The following SLC12A6 variants were observed in gnomAD, a reference collection of about 807,000 sequenced individuals.
SLC12A6 encodes the protein solute carrier family 12 member 6.
Under a neutral mutation model 135.3 loss-of-function variants are expected in SLC12A6, and 66 were observed. That is an observed-to-expected ratio of 0.49 (90% CI 0.40 to 0.60). The LOEUF (loss-of-function observed/expected upper bound fraction) is 0.60. Among genes scored for constraint, SLC12A6 ranks in the 20% least tolerant of loss-of-function variants. SLC12A6 has a pLI of 0.00. For synonymous variants in SLC12A6, 513 were observed against 508.8 expected (o/e 1.01, Z -0.11); for missense variants, 1,058 against 1,452.3 (o/e 0.73, Z 4.41).
rs548419510 is a variant in SLC12A6 at position 34,303,398 on chromosome 15, T to A, written c.272-28009A>T. 1.1e-4 allele frequency among the ~76,000 whole-genome samples: 17 copies of A among 152,340 alleles called. No individual in the cohort carries two copies. The South Asian group carries it at 3.5e-3, about 32-fold the overall frequency. On this transcript the variant is annotated intron_variant, in intron 2 of 25. Transcript: ENST00000354181. ...ACTTTGAATAGTAAATGTGTCATGATCTTCAATAATTTAGAAAATATAAAT... is the reference window on the plus strand; with the variant it reads ...ACTTTGAATAGTAAATGTGTCATGAACTTCAATAATTTAGAAAATATAAAT...
intron 2 of SLC12A6, among the ~76,000 whole-genome samples, chr15:34,315,595 T>C (rs1398683979): frequency 1.3e-5 from 2 of 152,160 alleles, no homozygotes; most frequent in Non-Finnish European, 2.9e-5. Flanking sequence ...AATTAAGGTA[T>C]GTACACTGTT....
intron 3 of SLC12A6, among the ~76,000 whole-genome samples, chr15:34,265,175 C>A (rs559769416): frequency 6.6e-6 from 1 of 152,038 alleles, no homozygotes; most frequent in African/African-American, 2.4e-5. Context: ...CCAGCCTGGG[C>A]GACAGAGCGA....
At chr15:34,296,070 T>G (rs1035334146) in intron 2 of SLC12A6, among the ~76,000 whole-genome samples, 4 of 152,240 alleles carry the variant, frequency 2.6e-5, no homozygotes, top group Non-Finnish European at 5.9e-5. Context: ...TTAAGGACTG[T>G]CTGTACTACA....
rs770419375 is a variant in SLC12A6, at chr15:34,336,690, T to C, written c.-10A>G. On this transcript the variant is annotated 5_prime_UTR_variant, in exon 2 of 26. Coordinates refer to ENST00000354181, the MANE Select transcript of SLC12A6 (RefSeq NM_001365088.1). ...TTTCTGGAGGATGCATTTTGTTCTT[T>C]TTAAGAACAAAAAAAGTGGGGGGAA... 11 of 1,613,078 alleles carry C rather than the reference T, an allele frequency of 6.8e-6. No individual in the cohort carries two copies. Among genetic ancestry groups the C allele is most frequent in the Non-Finnish European group, 8.5e-6 (10 of 1,179,350 alleles).
At chr15:34,246,091 C>A (rs186681489) in intron 13 of SLC12A6, among the ~76,000 whole-genome samples, 82 of 152,212 alleles carry the variant, frequency 5.4e-4, no homozygotes, top group Non-Finnish European at 8.8e-4. Flanking sequence ...CACCAACACA[C>A]CTGGCTAATT....
intron 2 of SLC12A6, among the ~76,000 whole-genome samples, chr15:34,311,051 ATTTGTATTAC>A (rs757830127): frequency 1.3e-5 from 2 of 152,142 alleles, no homozygotes; most frequent in African/African-American, 2.4e-5. Flanking sequence ...CTCTCCTACC[ATTTGTATTAC>A]TTGTGAGTTA....
intron 2 of SLC12A6, among the ~76,000 whole-genome samples, chr15:34,307,119 A>G (rs1896653078): frequency 6.6e-6 from 1 of 152,222 alleles, no homozygotes; most frequent in South Asian, 2.1e-4. Context: ...GTCAAAATTC[A>G]TCAACAAAAT....
At chr15:34,269,029 TG>T in intron 3 of SLC12A6, among the ~76,000 whole-genome samples, 1 of 152,072 alleles carries the variant, frequency 6.6e-6, no homozygotes, top group East Asian at 1.9e-4. Context: ...GCTAATTTTT[TG>T]TATTTTTAGT....
Position 34,237,479 on chromosome 15 carries a change from C to T in SLC12A6, c.2874G>A (p.Lys958=). 1 of 1,612,954 alleles carries T rather than the reference C, an allele frequency of 6.2e-7. No individual in the cohort carries two copies. The highest frequency in any genetic ancestry group is 1.7e-5 in the Admixed American group (1 of 59,990). The change falls in exon 22 of 26, where the codon AAG becomes AAA. Residue 958 remains lysine, a synonymous_variant. Coordinates refer to ENST00000354181, the MANE Select transcript of SLC12A6 (RefSeq NM_001365088.1). ...QLEDNSIQMK[K]DLATFLYHLR... ...AGTGATATAGGAAGGTGGCTAGGTC[C>T]TTCTTCATTTGGATACTGTTGTCTT...
At chr15:34,298,233 T>A (rs952746150) in intron 2 of SLC12A6, among the ~76,000 whole-genome samples, 1 of 151,956 alleles carries the variant, frequency 6.6e-6, no homozygotes, top group Non-Finnish European at 1.5e-5. Flanking sequence ...TCCCAGCACT[T>A]TGGGAGGCCG....
chr15:34,235,717 C>T (rs1891216520), intron 24 of SLC12A6, among the ~76,000 whole-genome samples: 1 of 152,120 alleles, frequency 6.6e-6, no homozygotes, highest in African/African-American at 2.4e-5. Flanking sequence ...GGATTACAGG[C>T]GTGAGCCACT....
chr15:34,326,858 CTTTTTTTTT>C (rs397963192), intron 2 of SLC12A6, among the ~76,000 whole-genome samples: 4 of 72,176 alleles, frequency 5.5e-5, no homozygotes, highest in Non-Finnish European at 6.9e-5. Flanking sequence ...CAACTGGCTG[CTTTTTTTTT>C]TTTTTTTTTT....
intron 22 of SLC12A6, 123 bp from the exon 23 acceptor site, chr15:34,236,938 C>T (rs1050857959): frequency 2.1e-5 from 15 of 703,848 alleles, no homozygotes. Context: ...ACCTAAGCTT[C>T]ACCCTTACTT....
chr15:34,249,186 C>A (rs1038761811), intron 13 of SLC12A6, among the ~76,000 whole-genome samples: 1 of 152,010 alleles, frequency 6.6e-6, no homozygotes, highest in African/African-American at 2.4e-5. Context: ...AGGCAAAAAT[C>A]CTGAAGGTCT....
intron 2 of SLC12A6, among the ~76,000 whole-genome samples, chr15:34,286,516 C>T (rs531282411): frequency 3.9e-5 from 6 of 152,024 alleles, no homozygotes; most frequent in South Asian, 2.1e-4. Context: ...TTTCCCTGCC[C>T]GGGCACAGTG....
chr15:34,325,338 CCTTA>C (rs1329318176), intron 2 of SLC12A6, among the ~76,000 whole-genome samples: 20 of 152,134 alleles, frequency 1.3e-4, no homozygotes, highest in African/African-American at 3.6e-4. Context: ...CTAAATTTTG[CCTTA>C]CTATGTATAA....
intron 3 of SLC12A6, among the ~76,000 whole-genome samples, chr15:34,262,568 C>T (rs1177772965): frequency 1.3e-5 from 2 of 152,150 alleles, no homozygotes; most frequent in Admixed American, 6.5e-5. Flanking sequence ...GAAGCAGCAG[C>T]GGGCGGGAGC....
At chr15:34,245,657 G>T in intron 14 of SLC12A6, 36 bp downstream of exon 14, 1 of 1,553,286 alleles carries the variant, frequency 6.4e-7, no homozygotes, top group Non-Finnish European at 8.9e-7. Flanking sequence ...TTAAAGCTGG[G>T]AAAAAAAGAA....
chr15:34,314,845 A>AG (rs935890227), intron 2 of SLC12A6: 2 of 149,712 alleles, frequency 1.3e-5, no homozygotes, highest in African/African-American at 2.5e-5. Context: ...AAAAAAAAAA[A>AG]TCAACATTAA....
Sources: allele counts gnomAD v4.1 joint callset (sites outside exome capture counted in the v4.1 genomes callset), GRCh38; gene constraint gnomAD v4.1.1; transcripts MANE v1.5; gene names NCBI Gene and HGNC (gene_info 2026-07-23, HGNC 2026-07-21).